ASCC3: variants seen among roughly 807,000 people sequenced by gnomAD.
The protein encoded by ASCC3 is activating signal cointegrator 1 complex subunit 3.
ASCC3 carries 158 observed loss-of-function variants against 256.3 expected under a neutral mutation model. The ratio of observed to expected loss-of-function variants is 0.62; its 90% CI spans 0.54 to 0.70. ASCC3 has a LOEUF of 0.70. Among genes scored for constraint, ASCC3 ranks in the 30% least tolerant of loss-of-function variants. ASCC3 has a pLI of 0.00. For missense variants in ASCC3, 2,259 were observed against 2,626.0 expected (o/e 0.86, Z 3.05); for synonymous variants, 948 against 883.4 (o/e 1.07, Z -1.30).
chr6:100,645,659 T>A (rs1331794216), intron 22 of ASCC3, among the ~76,000 whole-genome samples: 1 of 152,142 alleles, frequency 6.6e-6, no homozygotes, highest in African/African-American at 2.4e-5. Context: ...ACCTACAATC[T>A]CTAACATAGT....
chr6:100,687,028 TCTCTCTCACA>T (rs1224886260), intron 13 of ASCC3, among the ~76,000 whole-genome samples: 32 of 89,244 alleles, frequency 3.6e-4, no homozygotes, highest in Admixed American at 2.1e-3. Flanking sequence ...TCTCTCTCTC[TCTCTCTCACA>T]CACACACACA....
At position 100,629,412 on chromosome 6, in the gene ASCC3, C is replaced by T. The variant is rs191742761; in HGVS notation, c.4209-231G>A. 1.1e-4 allele frequency among the ~76,000 whole-genome samples: 16 copies of T among 152,180 alleles called. No individual in the cohort carries two copies. The East Asian group carries it at 1.7e-3, about 17-fold the overall frequency. ...ATATAAATTCCAATCACTGACATATCTAACTTTTATACAGATATACAAGGA... is the reference window on the plus strand; with the variant it reads ...ATATAAATTCCAATCACTGACATATTTAACTTTTATACAGATATACAAGGA... On this transcript the variant is annotated intron_variant, in intron 26 of 41. Transcript: ENST00000369162.
At chr6:100,735,364 C>A (rs544873562) in intron 10 of ASCC3, among the ~76,000 whole-genome samples, 5 of 152,196 alleles carry the variant, frequency 3.3e-5, no homozygotes, top group Admixed American at 1.3e-4. Flanking sequence ...GCATGGGGTA[C>A]TTTTATTATC....
chr6:100,862,020 A>C (rs573238584), intron 3 of ASCC3, among the ~76,000 whole-genome samples: 1 of 152,312 alleles, frequency 6.6e-6, no homozygotes, highest in African/African-American at 2.4e-5. Context: ...ATAGAACTAA[A>C]GAAGAGGAAG....
intron 30 of ASCC3, among the ~76,000 whole-genome samples, chr6:100,619,261 A>T (rs1215076017): frequency 6.6e-6 from 1 of 152,160 alleles, no homozygotes; most frequent in Non-Finnish European, 1.5e-5. Context: ...TTATTATCAA[A>T]AGGATTAACA....
At chr6:100,712,902 C>A (rs137872551) in intron 13 of ASCC3, among the ~76,000 whole-genome samples, 1 of 151,702 alleles carries the variant, frequency 6.6e-6, no homozygotes, top group Admixed American at 6.6e-5. Flanking sequence ...GGACTACAGA[C>A]GCCCACCACC....
intron 3 of ASCC3, chr6:100,856,412 C>T (rs1772942257): frequency 1.0e-6 from 1 of 983,506 alleles, no homozygotes; most frequent in African/African-American, 1.7e-5. Context: ...TAAATAAATA[C>T]ACAAGCATGT....
chr6:100,779,241 GAAA>G (rs1782335207), intron 8 of ASCC3, among the ~76,000 whole-genome samples: 1 of 152,056 alleles, frequency 6.6e-6, no homozygotes, highest in African/African-American at 2.4e-5. Context: ...TACATTAAGT[GAAA>G]AAAATACAAA....
chr6:100,561,637 TA>T (rs1562119983), intron 36 of ASCC3, among the ~76,000 whole-genome samples: 2 of 152,082 alleles, frequency 1.3e-5, no homozygotes, highest in African/African-American at 4.8e-5. Flanking sequence ...CTTCACTGGT[TA>T]AAAAAGTAAA....
At chr6:100,810,069 A>T (rs1280204637) in intron 4 of ASCC3, among the ~76,000 whole-genome samples, 1 of 152,128 alleles carries the variant, frequency 6.6e-6, no homozygotes, top group East Asian at 1.9e-4. Context: ...ACTTCTAAGT[A>T]CGCCCACATG....
At chr6:100,726,202 C>T (rs776249343) in intron 10 of ASCC3, among the ~76,000 whole-genome samples, 29 of 151,830 alleles carry the variant, frequency 1.9e-4, no homozygotes, top group Non-Finnish European at 3.7e-4. Flanking sequence ...CACTTACTAA[C>T]AATGCTTTTC....
chr6:100,540,454 A>G, intron 36 of ASCC3, 67 bp from the exon 37 acceptor site: 10 of 1,329,776 alleles, frequency 7.5e-6, no homozygotes, highest in Non-Finnish European at 1.1e-5. Context: ...TCTTAGCTTT[A>G]CTGACATTTA....
intron 10 of ASCC3, among the ~76,000 whole-genome samples, chr6:100,745,517 CA>C: frequency 7.7e-6 from 1 of 130,066 alleles, no homozygotes; most frequent in Admixed American, 7.6e-5. Context: ...AAAAAAAAAA[CA>C]AAAAACAACA....
intron 36 of ASCC3, among the ~76,000 whole-genome samples, chr6:100,585,402 A>G (rs1771594274): frequency 1.3e-5 from 2 of 152,176 alleles, no homozygotes; most frequent in South Asian, 4.2e-4. Context: ...TTCTTCACGT[A>G]GTTCTCGAGC....
intron 39 of ASCC3, 122 bp downstream of exon 39, chr6:100,516,058 A>G: frequency 8.5e-7 from 1 of 1,182,272 alleles, no homozygotes; most frequent in South Asian, 1.2e-5. Flanking sequence ...ATAGTAGTAA[A>G]TGGCAGAGAC....
chr6:100,550,544 C>T (rs1769237106), intron 36 of ASCC3, among the ~76,000 whole-genome samples: 1 of 151,906 alleles, frequency 6.6e-6, no homozygotes, highest in African/African-American at 2.4e-5. Flanking sequence ...TGATCTGCTC[C>T]AATGGTAGAG....
intron 36 of ASCC3, among the ~76,000 whole-genome samples, chr6:100,542,404 C>T (rs774802652): frequency 6.6e-6 from 1 of 152,082 alleles, no homozygotes; most frequent in African/African-American, 2.4e-5. Context: ...ACTGTCGGGC[C>T]GGGCGCGGTG....
intron 10 of ASCC3, among the ~76,000 whole-genome samples, chr6:100,761,407 G>C (rs926659801): frequency 2.0e-5 from 3 of 152,188 alleles, no homozygotes; most frequent in African/African-American, 7.2e-5. Context: ...AGGATCGCTT[G>C]AGCTCAGAAG....
chr6:100,663,168 T>C (rs2114934195), intron 14 of ASCC3, among the ~76,000 whole-genome samples: 1 of 152,212 alleles, frequency 6.6e-6, no homozygotes, highest in East Asian at 1.9e-4. Flanking sequence ...CTTGGTGATC[T>C]TTGATAGCAA....
Sources: gnomAD v4.1 joint callset for allele counts (sites outside exome capture counted in the v4.1 genomes callset) on GRCh38, gnomAD v4.1.1 for gene constraint, MANE v1.5 for transcripts, NCBI Gene and HGNC (gene_info 2026-07-23, HGNC 2026-07-21) for gene names.